PSD3: variants seen among roughly 807,000 people sequenced by gnomAD.
The protein encoded by PSD3 is PH and SEC7 domain-containing protein 3.
In PSD3, 49 loss-of-function variants were observed where a neutral mutation model predicts 105.5. The ratio of observed to expected loss-of-function variants is 0.46; its 90% CI spans 0.37 to 0.59. The LOEUF (loss-of-function observed/expected upper bound fraction) is 0.59. PSD3 is among the 20% of genes least tolerant of loss of function. The probability of loss-of-function intolerance (pLI) is 0.00; values close to 1 mark genes in which losing one functional copy is unlikely to be tolerated. For synonymous variants in PSD3, 557 were observed against 457.8 expected (o/e 1.22, Z -2.77); for missense variants, 1,561 against 1,263.8 (o/e 1.24, Z -3.57).
rs1808833588 is a variant in PSD3 at position 18,655,674 on chromosome 8, G to A, written c.2184C>T (p.Asn728=). ...ATTCAAGCTTCTCATTCTTGATTGA[G>A]TTGTACAGAGCCTGTAAAGAGAGAA... ...FSKDLLKALY[N]SIKNEKLEWA... The change falls in exon 10 of 16, where the codon AAC becomes AAT. Residue 728 remains asparagine, a synonymous_variant. Coordinates refer to ENST00000327040, the MANE Select transcript of PSD3 (RefSeq NM_015310.4). 1 of 1,613,674 alleles carries A rather than the reference G, an allele frequency of 6.2e-7. No individual in the cohort carries two copies. Among genetic ancestry groups the A allele is most frequent in the Non-Finnish European group, 8.5e-7 (1 of 1,179,638 alleles).
rs189512327 is a variant in PSD3, at chr8:18,602,555, C to T, written c.2411-2121G>A. On this transcript the variant is annotated intron_variant, in intron 11 of 15. Transcript: ENST00000327040. ...AGATAACTAGGGAGCAATTATTCAA[C>T]GGTATTTAGTTGGTGTGCTATAAAA... is the stretch of plus-strand genomic sequence containing the variant. Among the ~76,000 whole-genome samples the T allele has an allele frequency of 1.4e-4, 21 of 152,206 alleles. No homozygotes were observed. The East Asian group carries it at 3.5e-3, about 25-fold the overall frequency.
intron 14 of PSD3, among the ~76,000 whole-genome samples, chr8:18,565,442 A>C (rs931235879): frequency 6.6e-6 from 1 of 152,242 alleles, no homozygotes; most frequent in Non-Finnish European, 1.5e-5. Flanking sequence ...TTGTTCAGAA[A>C]GTACCACGCT....
At chr8:18,557,571 G>T (rs2634454) in intron 14 of PSD3, 153,248 of 154,072 alleles carry the variant, frequency 0.99, 76,225 homozygotes, top group Middle Eastern at 1. Context: ...AAAAGCAGAG[G>T]ACACGAATGG....
At chr8:19,068,842 G>C (rs934635111) in intron 1 of PSD3, among the ~76,000 whole-genome samples, 3 of 151,914 alleles carry the variant, frequency 2.0e-5, no homozygotes, top group African/African-American at 7.3e-5. Context: ...AGTTGGGCTG[G>C]CTCTGACTGT....
At chr8:18,641,191 A>T (rs531346166) in intron 10 of PSD3, among the ~76,000 whole-genome samples, 6 of 152,254 alleles carry the variant, frequency 3.9e-5, no homozygotes, top group Non-Finnish European at 8.8e-5. Flanking sequence ...AATCATTACC[A>T]TGATCCCTGT....
chr8:18,537,456 A>G (rs75949426), intron 15 of PSD3, among the ~76,000 whole-genome samples: 1 of 152,286 alleles, frequency 6.6e-6, no homozygotes, highest in Non-Finnish European at 1.5e-5. Context: ...GGCCAGTCAA[A>G]GGCCATTCTC....
At chr8:19,065,770 C>G (rs1829054823) in intron 1 of PSD3, among the ~76,000 whole-genome samples, 1 of 152,098 alleles carries the variant, frequency 6.6e-6, no homozygotes, top group African/African-American at 2.4e-5. Context: ...TTTATGAAGG[C>G]TTCATTATAT....
chr8:18,745,159 T>C (rs1804904909), intron 9 of PSD3, among the ~76,000 whole-genome samples: 1 of 152,158 alleles, frequency 6.6e-6, no homozygotes, highest in Admixed American at 6.5e-5. Flanking sequence ...GTTAGTATTT[T>C]CCCCTCATAA....
At chr8:18,686,218 C>G (rs1284515647) in intron 9 of PSD3, among the ~76,000 whole-genome samples, 2 of 152,158 alleles carry the variant, frequency 1.3e-5, no homozygotes, top group African/African-American at 2.4e-5. Context: ...TGTTTAACAC[C>G]TAATACCTTA....
chr8:19,070,765 C>T (rs1305030154), intron 1 of PSD3, among the ~76,000 whole-genome samples: 1 of 152,214 alleles, frequency 6.6e-6, no homozygotes, highest in Non-Finnish European at 1.5e-5. Flanking sequence ...ACTTTCCACA[C>T]TGCTGACCCA....
chr8:18,805,961 A>G (rs1811158151), intron 4 of PSD3, among the ~76,000 whole-genome samples: 1 of 152,210 alleles, frequency 6.6e-6, no homozygotes, highest in South Asian at 2.1e-4. Flanking sequence ...GAAAAATGAC[A>G]TTCAATGAAA....
chr8:18,868,164 C>G (rs1338283049), intron 3 of PSD3, 95 bp from the exon 4 acceptor site: 3 of 1,275,216 alleles, frequency 2.4e-6, no homozygotes, highest in Middle Eastern at 4.1e-4. Context: ...TTCTGAAGAT[C>G]TAACTCTTCT....
intron 1 of PSD3, among the ~76,000 whole-genome samples, chr8:19,009,720 TC>T (rs972096683): frequency 6.6e-6 from 1 of 152,086 alleles, no homozygotes; most frequent in Non-Finnish European, 1.5e-5. Context: ...TGAAACCCCG[TC>T]TATACTAAAA....
chr8:18,632,495 G>T, intron 11 of PSD3, 118 bp downstream of exon 11: 1 of 1,109,816 alleles, frequency 9.0e-7, no homozygotes, highest in Non-Finnish European at 1.3e-6. Context: ...CCAATTTCAA[G>T]AATGTGTCTA....
chr8:18,974,672 CA>C (rs142184048), intron 1 of PSD3, among the ~76,000 whole-genome samples: 65 of 130,392 alleles, frequency 5.0e-4, no homozygotes, highest in East Asian at 4.5e-4. Context: ...CACATCAAGT[CA>C]AAAAAAAAAA....
chr8:18,821,365 T>C (rs1432782136), intron 4 of PSD3, among the ~76,000 whole-genome samples: 1 of 141,486 alleles, frequency 7.1e-6, no homozygotes, highest in Non-Finnish European at 1.5e-5. Context: ...AGATTATTAT[T>C]AGAATTTTAC....
intron 12 of PSD3, among the ~76,000 whole-genome samples, chr8:18,579,786 A>G (rs1487730512): frequency 6.6e-6 from 1 of 152,190 alleles, no homozygotes; most frequent in Non-Finnish European, 1.5e-5. Context: ...TAAAATTCTT[A>G]TCAATTTAAA....
At chr8:18,689,051 T>C (rs977036693) in intron 9 of PSD3, among the ~76,000 whole-genome samples, 1 of 152,214 alleles carries the variant, frequency 6.6e-6, no homozygotes, top group Non-Finnish European at 1.5e-5. Flanking sequence ...CACCGTTTGG[T>C]AGATAAACCC....
intron 10 of PSD3, among the ~76,000 whole-genome samples, chr8:18,633,668 G>T (rs78563208): frequency 0.033 from 4,975 of 152,086 alleles, 81 homozygotes; most frequent in East Asian, 0.062. Flanking sequence ...CCATTGAAGG[G>T]CATCTAGGTT....
Sources: allele counts gnomAD v4.1 joint callset (sites outside exome capture counted in the v4.1 genomes callset), GRCh38; gene constraint gnomAD v4.1.1; transcripts MANE v1.5; gene names NCBI Gene and HGNC (gene_info 2026-07-23, HGNC 2026-07-21).